The following CACNA1H variants were observed in gnomAD, a reference collection of about 807,000 sequenced individuals.
CACNA1H encodes the protein voltage-dependent T-type calcium channel subunit alpha-1H.
CACNA1H carries 149 observed loss-of-function variants against 192.5 expected under a neutral mutation model. The observed-to-expected ratio is 0.77, with a 90% CI of 0.68 to 0.89. CACNA1H has a LOEUF of 0.89. Ranked by LOEUF, CACNA1H falls within the 40% of genes least tolerant of loss-of-function variation. CACNA1H has a pLI of 0.00. For missense variants in CACNA1H, 4,257 were observed against 3,423.5 expected (o/e 1.24, Z -6.08); for synonymous variants, 2,202 against 1,475.2 (o/e 1.49, Z -11.29).
Position 1,200,263 on chromosome 16 carries a change from A to T in CACNA1H, c.811A>T (p.Asn271Tyr), listed in dbSNP as rs755643040. The change falls in exon 7 of 35, where the codon AAC becomes TAC. Residue 271 changes from asparagine (N) to tyrosine (Y), a missense_variant. By Grantham distance (143) the Asn-to-Tyr change is moderately radical (BLOSUM62 -2). Transcript: ENST00000348261. The stretch of plus-strand genomic sequence containing the variant: ...GGCTGTGCCCATCCCCAGGAACAAC[A>T]ACCTGACCTTCCTGCGGCCGTACTA... Reference protein sequence around the residue: ...FLDSAFVRNNNLTFLRPYYQT... With the variant: ...FLDSAFVRNNYLTFLRPYYQT... 1 of 1,598,972 alleles carries T rather than the reference A, an allele frequency of 6.3e-7. No individual in the cohort carries two copies. Among genetic ancestry groups the T allele is most frequent in the Non-Finnish European group, 8.5e-7 (1 of 1,172,582 alleles).
intron 30 of CACNA1H, among the ~76,000 whole-genome samples, chr16:1,216,040 G>A (rs1052437424): frequency 1.3e-5 from 2 of 152,144 alleles, no homozygotes; most frequent in African/African-American, 2.4e-5. Flanking sequence ...GTCCTCCAAG[G>A]CCAAGAGACC....
rs758674093 is a variant in CACNA1H, at chr16:1,209,252, G to A, written c.3584G>A (p.Arg1195Gln). The A allele has an allele frequency of 3.6e-5, 56 of 1,545,168 alleles. No homozygotes were observed. Among genetic ancestry groups the A allele is most frequent in the Admixed American group, 9.8e-5 (5 of 51,244 alleles). Residue 1195 changes from arginine (R) to glutamine (Q), a missense_variant, in exon 17 of 35, where the codon CGG becomes CAG. Coordinates refer to ENST00000348261, the MANE Select transcript of CACNA1H (RefSeq NM_021098.3). Reference protein sequence around the residue: ...APGPRATPLRRAESLDPRPLR... With the variant: ...APGPRATPLRQAESLDPRPLR... ...GGGCCCCGTGCCACCCCACTGCGGC[G>A]GGCCGAGTCCCTGGACCCACGGCCC...
At chr16:1,181,810 T>G (rs1383702223) in intron 2 of CACNA1H, among the ~76,000 whole-genome samples, 4 of 152,128 alleles carry the variant, frequency 2.6e-5, no homozygotes, top group Admixed American at 2.6e-4. Context: ...TCTCCACTTG[T>G]GTGTGGGGTG....
At chr16:1,169,581 T>C (rs1964158459) in intron 2 of CACNA1H, among the ~76,000 whole-genome samples, 1 of 151,852 alleles carries the variant, frequency 6.6e-6, no homozygotes, top group Non-Finnish European at 1.5e-5. Context: ...TTCAGAGCTG[T>C]GCGGGCCGTG....
At chr16:1,174,341 G>A (rs1964655760) in intron 2 of CACNA1H, among the ~76,000 whole-genome samples, 1 of 152,200 alleles carries the variant, frequency 6.6e-6, no homozygotes, top group African/African-American at 2.4e-5. Flanking sequence ...CCAGAGCCCA[G>A]GATATGGAGG....
intron 24 of CACNA1H, 44 bp downstream of exon 24, chr16:1,211,849 C>T (rs368590889): frequency 1.4e-4 from 232 of 1,609,474 alleles, no homozygotes; most frequent in Non-Finnish European, 1.9e-4. Flanking sequence ...GGGTCTCCCG[C>T]GAGCGGCTGC....
intron 2 of CACNA1H, among the ~76,000 whole-genome samples, chr16:1,176,288 C>T (rs976020828): frequency 1.3e-5 from 2 of 152,220 alleles, no homozygotes; most frequent in African/African-American, 2.4e-5. Context: ...TCACCCACCA[C>T]GGGAGGGCAG....
rs200904795 is a variant in CACNA1H at position 1,210,428 on chromosome 16, G to A, written c.3904G>A (p.Val1302Ile). Residue 1302 changes from valine (V) to isoleucine (I), a missense_variant, in exon 19 of 35, where the codon GTC becomes ATC. Coordinates refer to ENST00000348261, the MANE Select transcript of CACNA1H (RefSeq NM_021098.3). ...THKMFDHVVL[V>I]FIFLNCVTIA... Reference sequence around the variant, plus strand: ...CAAGATGTTTGATCACGTGGTCCTCGTCTTCATCTTCCTCAACTGCGTCAC... The same window carrying A: ...CAAGATGTTTGATCACGTGGTCCTCATCTTCATCTTCCTCAACTGCGTCAC... The A allele has an allele frequency of 2.3e-5, 37 of 1,602,136 alleles. No homozygotes were observed. Among genetic ancestry groups the A allele is most frequent in the East Asian group, 2.0e-4 (9 of 44,292 alleles).
chr16:1,215,620 C>T (rs758812926), intron 30 of CACNA1H, 27 bp downstream of exon 30: 14 of 1,593,512 alleles, frequency 8.8e-6, no homozygotes, highest in East Asian at 6.8e-5. Context: ...CCATCCTCAG[C>T]GCAGGCCCCC....
At chr16:1,153,497 G>T (rs1240056067) in intron 1 of CACNA1H, 27 bp downstream of exon 1, 9 of 258,254 alleles carry the variant, frequency 3.5e-5, no homozygotes, top group Middle Eastern at 1.2e-3. Context: ...ACGCGCGCCC[G>T]GGACCCTCTT....
chr16:1,162,074 G>C (rs1005236997), intron 2 of CACNA1H, among the ~76,000 whole-genome samples: 2 of 152,166 alleles, frequency 1.3e-5, no homozygotes, highest in Non-Finnish European at 2.9e-5. Context: ...TTTCTCATCT[G>C]TGAAATGGGC....
At chr16:1,172,477 G>A (rs866220105) in intron 2 of CACNA1H, among the ~76,000 whole-genome samples, 24 of 151,252 alleles carry the variant, frequency 1.6e-4, no homozygotes, top group Non-Finnish European at 3.1e-4. Context: ...TGGGGTGGTC[G>A]TGGGGTCCCC....
chr16:1,183,243 G>A (rs1030058649), intron 2 of CACNA1H, among the ~76,000 whole-genome samples: 2 of 152,168 alleles, frequency 1.3e-5, no homozygotes, highest in Non-Finnish European at 2.9e-5. Flanking sequence ...CCCCTGACGG[G>A]TTCTATTGCG....
At chr16:1,190,055 A>C (rs919040624) in intron 2 of CACNA1H, among the ~76,000 whole-genome samples, 1 of 152,140 alleles carries the variant, frequency 6.6e-6, no homozygotes, top group Non-Finnish European at 1.5e-5. Context: ...GAGTGGGTGC[A>C]TTGCTGCTGG....
chr16:1,221,280 C>G lies in CACNA1H; in HGVS notation c.*286C>G, dbSNP rs1970463471. Reference sequence around the variant, plus strand: ...CCTCCCGTCAGGAGAGAAGCCGCGTCTGTGGGACGAAGACCGGGCACCCGC... The same window carrying G: ...CCTCCCGTCAGGAGAGAAGCCGCGTGTGTGGGACGAAGACCGGGCACCCGC... On this transcript the variant is annotated 3_prime_UTR_variant, in exon 35 of 35. Coordinates refer to ENST00000348261, the MANE Select transcript of CACNA1H (RefSeq NM_021098.3). The G allele has an allele frequency of 9.1e-6, 4 of 437,896 alleles. No homozygotes were observed. Among genetic ancestry groups the G allele is most frequent in the Non-Finnish European group, 1.6e-5 (4 of 248,896 alleles). The allele number at this position is 437,896 out of a possible 1,614,324, so 27.1% of individuals were successfully genotyped here.
chr16:1,217,895 C>T (rs377245789), intron 31 of CACNA1H, 24 bp from the exon 32 acceptor site: 29 of 1,579,284 alleles, frequency 1.8e-5, no homozygotes, highest in African/African-American at 1.1e-4. Flanking sequence ...CTCGGCTGAC[C>T]GGGCGGGGTC....
Position 1,210,387 on chromosome 16 carries a change from A to G in CACNA1H, c.3863A>G (p.Gln1288Arg). 3 of 1,034,862 alleles carry G rather than the reference A, an allele frequency of 2.9e-6. No individual in the cohort carries two copies. The highest frequency in any genetic ancestry group is 2.6e-5 in the South Asian group (2 of 77,796). 64.1% of individuals were successfully genotyped at this position (1,034,862 alleles called of 1,614,324 possible). The change falls in exon 19 of 35, where the codon CAG becomes CGG. Residue 1288 changes from glutamine (Q) to arginine (R), a missense_variant. Physicochemically the swap from Gln to Arg is conservative, Grantham distance 43. Coordinates refer to ENST00000348261, the MANE Select transcript of CACNA1H (RefSeq NM_021098.3). ...SPQNRFRVSCQKVITHKMFDH... is the reference protein window; with the variant it reads ...SPQNRFRVSCRKVITHKMFDH... Reference sequence around the variant, plus strand: ...CCACCCAGGTTCCGCGTCTCCTGCCAGAAGGTCATCACACACAAGATGTTT... The same window carrying G: ...CCACCCAGGTTCCGCGTCTCCTGCCGGAAGGTCATCACACACAAGATGTTT...
chr16:1,172,006 G>A (rs1180017237), intron 2 of CACNA1H, among the ~76,000 whole-genome samples: 1 of 152,228 alleles, frequency 6.6e-6, no homozygotes, highest in Non-Finnish European at 1.5e-5. Context: ...CCCCCGCCAG[G>A]TGCTGTGGAG....
In CACNA1H at chr16:1,167,799, G is replaced by A. The variant is rs542611195; in HGVS notation, c.299+13763G>A. ...GAAACGGGACACCTGGAGCTGTGGC[G>A]CTGGTGTGTGCTTAGAAAGTGCACC... On this transcript the variant is annotated intron_variant, in intron 2 of 34. Transcript: ENST00000348261. The surrounding 1 kb of genome is among the most constrained non-coding windows in gnomAD (Gnocchi z 4.2). Among the ~76,000 whole-genome samples, 5 of 152,346 alleles carry A rather than the reference G, an allele frequency of 3.3e-5. No individual in the cohort carries two copies. Among genetic ancestry groups the A allele is most frequent in the East Asian group, 1.9e-4 (1 of 5,184 alleles).
Sources: allele counts gnomAD v4.1 joint callset (sites outside exome capture counted in the v4.1 genomes callset), GRCh38; gene constraint gnomAD v4.1.1; non-coding constraint Gnocchi (gnomAD v3.1); transcripts MANE v1.5; gene names NCBI Gene and HGNC (gene_info 2026-07-23, HGNC 2026-07-21).